FRMD4A: variants seen among roughly 807,000 people sequenced by gnomAD.
FRMD4A encodes the protein FERM domain containing 4A.
In FRMD4A, 29 loss-of-function variants were observed where a neutral mutation model predicts 129.1. That is an observed-to-expected ratio of 0.22 (90% confidence interval 0.17 to 0.31). The LOEUF (loss-of-function observed/expected upper bound fraction) is 0.31, where lower values mean the gene tolerates loss of function less well. Ranked by LOEUF, FRMD4A falls within the 10% of genes least tolerant of loss-of-function variation. The probability of loss-of-function intolerance (pLI) is 1.00; values close to 1 mark genes in which losing one functional copy is unlikely to be tolerated. For synonymous variants in FRMD4A, 634 were observed against 571.6 expected (o/e 1.11, Z -1.56); for missense variants, 1,272 against 1,375.8 (o/e 0.92, Z 1.19).
intron 3 of FRMD4A, among the ~76,000 whole-genome samples, chr10:13,834,320 A>AC (rs1419254509): frequency 2.6e-5 from 4 of 151,928 alleles, no homozygotes; most frequent in Non-Finnish European, 4.4e-5. Context: ...ACAAAACAAA[A>AC]CAAAACCAAA....
At chr10:14,038,195 C>T (rs1438398966) in intron 2 of FRMD4A, among the ~76,000 whole-genome samples, 1 of 152,068 alleles carries the variant, frequency 6.6e-6, no homozygotes, top group Non-Finnish European at 1.5e-5. Context: ...AGGTGGCGGG[C>T]GCCTGTAGTC....
rs151227469 is a variant in FRMD4A at position 13,659,454 on chromosome 10, C to T, written c.1935G>A (p.Ala645=). 134 of 1,613,754 alleles carry T rather than the reference C, an allele frequency of 8.3e-5. No homozygotes were observed. The African/African-American group carries it at 1.2e-3, about 15-fold the overall frequency. ...HKRFPSTGSC[A]EAGGGSNSLQ... Reference sequence around the variant, plus strand: ...AGGAGTTGCTTCCTCCGCCGGCTTCCGCACAGCTTCCTGTGCTGGGGAAGC... The same window carrying T: ...AGGAGTTGCTTCCTCCGCCGGCTTCTGCACAGCTTCCTGTGCTGGGGAAGC... Residue 645 remains alanine, a synonymous_variant, in exon 21 of 25, where the codon GCG becomes GCA. Coordinates refer to ENST00000357447, the MANE Select transcript of FRMD4A (RefSeq NM_018027.5).
intron 2 of FRMD4A, among the ~76,000 whole-genome samples, chr10:13,972,755 C>G (rs2095525474): frequency 6.6e-6 from 1 of 151,964 alleles, no homozygotes; most frequent in South Asian, 2.1e-4. Flanking sequence ...GGTGAGATTC[C>G]AAAGCTGGAA....
At chr10:13,935,078 G>T (rs1165965988) in intron 2 of FRMD4A, among the ~76,000 whole-genome samples, 1 of 151,956 alleles carries the variant, frequency 6.6e-6, no homozygotes. Flanking sequence ...ATTTTGGGGG[G>T]ACACAAACAT....
chr10:14,116,395 G>C (rs1430796699), intron 2 of FRMD4A, among the ~76,000 whole-genome samples: 9 of 152,212 alleles, frequency 5.9e-5, no homozygotes, highest in African/African-American at 2.2e-4. Flanking sequence ...GAGCCCATTG[G>C]AATGGGTGGA....
chr10:14,004,237 G>A (rs1192456043), intron 2 of FRMD4A, among the ~76,000 whole-genome samples: 1 of 152,146 alleles, frequency 6.6e-6, no homozygotes, highest in African/African-American at 2.4e-5. Context: ...ATAAAAAATT[G>A]TCATCTGTTT....
chr10:13,925,566 C>CTTTTTTTTTTTTTTTTATTTTTTTTTT (rs2095122915), intron 2 of FRMD4A, among the ~76,000 whole-genome samples: 1 of 61,938 alleles, frequency 1.6e-5, no homozygotes, highest in Admixed American at 2.6e-4. Context: ...TAGTGAAACG[C>CTTTTTTTTTTTTTTTTATTTTTTTTTT]TTTTTTTTTT....
At chr10:13,679,723 T>G (rs974591137) in intron 15 of FRMD4A, among the ~76,000 whole-genome samples, 1 of 151,912 alleles carries the variant, frequency 6.6e-6, no homozygotes, top group Non-Finnish European at 1.5e-5. Flanking sequence ...TTTTTTGTCT[T>G]TAGGAAATCC....
intron 2 of FRMD4A, among the ~76,000 whole-genome samples, chr10:14,139,704 C>A (rs1055038657): frequency 1.3e-5 from 2 of 152,174 alleles, no homozygotes; most frequent in African/African-American, 4.8e-5. Context: ...CCCACTTCAG[C>A]CTCTCAGACT....
At position 13,953,519 on chromosome 10, in the gene FRMD4A, A is replaced by G. The variant is rs1046205507; in HGVS notation, c.46-94607T>C. On this transcript the variant is annotated intron_variant, in intron 2 of 24. Transcript: ENST00000357447. ...AAGATATCTCACACCTTCCCACTCC[A>G]TCCCGCCTGGGACATGGACCCTCCC... Among the ~76,000 whole-genome samples, 3 of 152,124 alleles carry G rather than the reference A, an allele frequency of 2.0e-5. No homozygotes were observed. The South Asian group carries it at 6.2e-4, about 32-fold the overall frequency.
At chr10:14,009,197 T>C (rs2095672574) in intron 2 of FRMD4A, among the ~76,000 whole-genome samples, 1 of 152,202 alleles carries the variant, frequency 6.6e-6, no homozygotes, top group African/African-American at 2.4e-5. Flanking sequence ...TTCTGTAATA[T>C]TTTCCCCTAC....
chr10:14,217,454 G>C (rs7923389), intron 2 of FRMD4A, among the ~76,000 whole-genome samples: 37,589 of 152,066 alleles, frequency 0.25, 4,862 homozygotes, highest in Admixed American at 0.32. Context: ...TTTCGTCTGG[G>C]TTCCACTCTC....
At chr10:14,295,734 C>T (rs1185541706) in intron 2 of FRMD4A, among the ~76,000 whole-genome samples, 1 of 152,052 alleles carries the variant, frequency 6.6e-6, no homozygotes, top group Non-Finnish European at 1.5e-5. Context: ...GGGGAGTTGG[C>T]AGAAATAAAG....
At chr10:14,120,670 G>C (rs1838457719) in intron 2 of FRMD4A, among the ~76,000 whole-genome samples, 1 of 152,198 alleles carries the variant, frequency 6.6e-6, no homozygotes, top group African/African-American at 2.4e-5. Flanking sequence ...GTTAGTGGAG[G>C]GTGAGGGGGA....
At chr10:13,800,015 T>TAAA (rs10629467) in intron 4 of FRMD4A, among the ~76,000 whole-genome samples, 30 of 150,202 alleles carry the variant, frequency 2.0e-4, no homozygotes, top group East Asian at 1.6e-3. Flanking sequence ...CCATCTCTAC[T>TAAA]AAAAAAAAAT....
chr10:14,255,199 G>A (rs994222616), intron 2 of FRMD4A, among the ~76,000 whole-genome samples: 1 of 152,192 alleles, frequency 6.6e-6, no homozygotes, highest in Non-Finnish European at 1.5e-5. Context: ...GCTAAAAGGT[G>A]AAAGAAAAAT....
rs57484737 is a variant in FRMD4A at position 13,925,062 on chromosome 10, T to TAAAAAAAAA, written c.46-66159_46-66151dup. On this transcript the variant is annotated intron_variant, in intron 2 of 24. Transcript: ENST00000357447. ...TCTGGTGACAGTGCGAGACTCCGTG[T>TAAAAAAAAA]AAAAAAAAAAAAAAAAAAAAGAATG... 2.0e-3 allele frequency among the ~76,000 whole-genome samples: 208 copies of TAAAAAAAAA among 103,172 alleles called. 4 individuals carry two copies. The highest frequency in any genetic ancestry group is 7.2e-3 in the African/African-American group (191 of 26,640). 67.7% of individuals were successfully genotyped at this position (103,172 alleles called of 152,430 possible). A position where few individuals can be genotyped will look rare whatever the true frequency, so the allele number is the denominator to read the frequency against.
At chr10:14,219,393 C>T (rs937312535) in intron 2 of FRMD4A, among the ~76,000 whole-genome samples, 2 of 152,164 alleles carry the variant, frequency 1.3e-5, no homozygotes, top group African/African-American at 4.8e-5. Context: ...AATCCACAAC[C>T]TCCCACAAAT....
chr10:13,971,572 GACA>G, intron 2 of FRMD4A: 1 of 754,362 alleles, frequency 1.3e-6, no homozygotes, highest in Non-Finnish European at 2.0e-6. Flanking sequence ...GAACACATGT[GACA>G]ATAGCTCATG....
Sources: allele counts gnomAD v4.1 joint callset (sites outside exome capture counted in the v4.1 genomes callset), GRCh38; gene constraint gnomAD v4.1.1; transcripts MANE v1.5; gene names NCBI Gene and HGNC (gene_info 2026-07-23, HGNC 2026-07-21).